The following PTPN4 variants were observed in gnomAD, a reference collection of about 807,000 sequenced individuals.
PTPN4 encodes protein tyrosine phosphatase non-receptor type 4.
PTPN4 carries 49 observed loss-of-function variants against 135.5 expected under a neutral mutation model. The observed-to-expected ratio is 0.36, with a 90% confidence interval of 0.29 to 0.46. The LOEUF is 0.46. Among genes scored for constraint, PTPN4 ranks in the 20% least tolerant of loss-of-function variants. PTPN4 has a pLI of 1.00. For missense variants in PTPN4, 860 were observed against 1,101.0 expected (o/e 0.78, Z 3.10); for synonymous variants, 333 against 369.9 (o/e 0.90, Z 1.14).
At chr2:119,906,444 CA>C (rs1468217422) in intron 10 of PTPN4, among the ~76,000 whole-genome samples, 1 of 151,846 alleles carries the variant, frequency 6.6e-6, no homozygotes, top group Non-Finnish European at 1.5e-5. Context: ...GAAAAAGAAA[CA>C]TTTTTCACGT....
chr2:119,763,990 A>G lies in PTPN4; in HGVS notation c.-18+3606A>G, dbSNP rs553387594. Among the ~76,000 whole-genome samples, 134 of 152,288 alleles carry G rather than the reference A, an allele frequency of 8.8e-4. No individual in the cohort carries two copies. The Middle Eastern group carries it at 0.02, about 23-fold the overall frequency. ...TGTGAAAATGAAGGGGTCGCCACTA[A>G]GAGATTATCTCCAAGGTTCCTTCTT... On this transcript the variant is annotated intron_variant, in intron 1 of 26. Transcript: ENST00000263708.
chr2:119,903,796 C>T (rs1004422025), intron 10 of PTPN4, among the ~76,000 whole-genome samples: 3 of 152,184 alleles, frequency 2.0e-5, no homozygotes, highest in Non-Finnish European at 2.9e-5. Flanking sequence ...CCTGCCATCA[C>T]CACAGCTGGT....
intron 9 of PTPN4, among the ~76,000 whole-genome samples, chr2:119,895,506 G>A (rs1678307967): frequency 6.6e-6 from 1 of 152,146 alleles, no homozygotes; most frequent in South Asian, 2.1e-4. Context: ...TGGGCATGGT[G>A]GTGGGTGCCT....
intron 25 of PTPN4, among the ~76,000 whole-genome samples, chr2:119,967,116 A>G (rs1679455788): frequency 6.6e-6 from 1 of 152,236 alleles, no homozygotes; most frequent in African/African-American, 2.4e-5. Context: ...ATTAGAAGTT[A>G]AAAAGTTGTT....
In PTPN4 at chr2:119,934,853, G is replaced by T. The variant is rs761326684; in HGVS notation, c.1250G>T (p.Gly417Val). The T allele has an allele frequency of 3.1e-6, 5 of 1,613,730 alleles. No homozygotes were observed. Among genetic ancestry groups the T allele is most frequent in the Non-Finnish European group, 3.4e-6 (4 of 1,179,806 alleles). ...ACCCGGTTACGACCATCTTCAGTTGGTCATTTGGTAGACCATATGGTTCAT... is the reference window on the plus strand; with the variant it reads ...ACCCGGTTACGACCATCTTCAGTTGTTCATTTGGTAGACCATATGGTTCAT... ...EGTRLRPSSV[G>V]HLVDHMVHTS... Residue 417 changes from glycine (G) to valine (V), a missense_variant, in exon 15 of 27, where the codon GGT becomes GTT. Physicochemically the swap from Gly to Val is moderately radical, Grantham distance 109 (BLOSUM62 -3). Transcript: ENST00000263708.
At chr2:119,940,110 G>A (rs149407364) in intron 15 of PTPN4, among the ~76,000 whole-genome samples, 1 of 152,268 alleles carries the variant, frequency 6.6e-6, no homozygotes, top group African/African-American at 2.4e-5. Context: ...TCAGGTTGCT[G>A]GGAGGCTTAT....
chr2:119,904,239 C>G (rs1265730450), intron 10 of PTPN4, among the ~76,000 whole-genome samples: 1 of 150,564 alleles, frequency 6.6e-6, no homozygotes, highest in Non-Finnish European at 1.5e-5. Flanking sequence ...AAAAAGCCAA[C>G]AAATTTTGGA....
chr2:119,862,262 G>T (rs1156690398), intron 2 of PTPN4, among the ~76,000 whole-genome samples: 1 of 152,190 alleles, frequency 6.6e-6, no homozygotes, highest in Non-Finnish European at 1.5e-5. Flanking sequence ...CACATGTGAA[G>T]TCTTTTTTCT....
chr2:119,959,249 T>G (rs1679330490), intron 22 of PTPN4, among the ~76,000 whole-genome samples: 1 of 152,032 alleles, frequency 6.6e-6, no homozygotes. Context: ...GCCTTTTTTT[T>G]TTTGGTAGCA....
intron 3 of PTPN4, among the ~76,000 whole-genome samples, chr2:119,863,229 A>T (rs1478620578): frequency 6.6e-6 from 1 of 152,104 alleles, no homozygotes; most frequent in African/African-American, 2.4e-5. Flanking sequence ...ATAGCATGTG[A>T]TGAATAATAG....
chr2:119,760,378 T>C lies in PTPN4; in HGVS notation c.-24T>C, dbSNP rs1690459129. On this transcript the variant is annotated 5_prime_UTR_variant, in exon 1 of 27. Coordinates refer to ENST00000263708, the MANE Select transcript of PTPN4 (RefSeq NM_002830.4). The stretch of plus-strand genomic sequence containing the variant: ...CAGCCGAGAGGACGCGGCTGTGATA[T>C]ACGAAGGTAAGAGGTTCTCCGGTCC... 4 of 390,184 alleles carry C rather than the reference T, an allele frequency of 1.0e-5. No homozygotes were observed. The highest frequency in any genetic ancestry group is 4.5e-5 in the Admixed American group (1 of 22,440). 24.2% of individuals were successfully genotyped at this position (390,184 alleles called of 1,614,324 possible). A position where few individuals can be genotyped will look rare whatever the true frequency, so the allele number is the denominator to read the frequency against.
At chr2:119,764,817 T>C (rs980676240) in intron 1 of PTPN4, among the ~76,000 whole-genome samples, 24 of 152,240 alleles carry the variant, frequency 1.6e-4, no homozygotes, top group African/African-American at 5.5e-4. Context: ...TAACAACGTT[T>C]ACCCTTGATC....
At chr2:119,779,111 C>T (rs990434079) in intron 1 of PTPN4, among the ~76,000 whole-genome samples, 1 of 152,096 alleles carries the variant, frequency 6.6e-6, no homozygotes, top group African/African-American at 2.4e-5. Context: ...TAGCACTATC[C>T]TAAGGGAATC....
intron 1 of PTPN4, among the ~76,000 whole-genome samples, chr2:119,771,205 C>G (rs1392364486): frequency 6.6e-6 from 1 of 152,156 alleles, no homozygotes; most frequent in South Asian, 2.1e-4. Flanking sequence ...CTTGGACTTT[C>G]CATCCCAGCC....
chr2:119,766,461 T>C (rs879840727), intron 1 of PTPN4, among the ~76,000 whole-genome samples: 36,148 of 132,258 alleles, frequency 0.27, 5,112 homozygotes, highest in African/African-American at 0.36. Context: ...TGTGTGTGTG[T>C]GTGTGTGTGT....
In PTPN4 at chr2:119,823,011, C is replaced by T. The variant is rs556871170; in HGVS notation, c.138+13020C>T. Among the ~76,000 whole-genome samples, 5 of 152,280 alleles carry T rather than the reference C, an allele frequency of 3.3e-5. No homozygotes were observed. The South Asian group carries it at 1.0e-3, about 32-fold the overall frequency. Reference sequence around the variant, plus strand: ...TTTTGGGGACTATAACAAGAGTCACCTTAACCAGTTTGTAATCAAGCACCT... The same window carrying T: ...TTTTGGGGACTATAACAAGAGTCACTTTAACCAGTTTGTAATCAAGCACCT... On this transcript the variant is annotated intron_variant, in intron 2 of 26. Coordinates refer to ENST00000263708, the MANE Select transcript of PTPN4 (RefSeq NM_002830.4).
chr2:119,775,443 G>A (rs939541176), intron 1 of PTPN4, among the ~76,000 whole-genome samples: 1 of 152,116 alleles, frequency 6.6e-6, no homozygotes, highest in African/African-American at 2.4e-5. Context: ...GGACAATGCC[G>A]CTGGCCACCC....
intron 15 of PTPN4, among the ~76,000 whole-genome samples, chr2:119,940,652 G>A (rs1385933128): frequency 1.3e-5 from 2 of 151,988 alleles, no homozygotes; most frequent in African/African-American, 4.8e-5. Context: ...TGTAGAGATG[G>A]TGTCTTGCTA....
intron 24 of PTPN4, among the ~76,000 whole-genome samples, chr2:119,963,352 T>C (rs535607237): frequency 3.9e-5 from 6 of 152,314 alleles, no homozygotes; most frequent in Admixed American, 1.3e-4. Context: ...GTAGAGAGCG[T>C]CATGCTGCCA....
Sources: gnomAD v4.1 joint callset for allele counts (sites outside exome capture counted in the v4.1 genomes callset) on GRCh38, gnomAD v4.1.1 for gene constraint, MANE v1.5 for transcripts, NCBI Gene and HGNC (gene_info 2026-07-23, HGNC 2026-07-21) for gene names.